Variants in PRKAG2 observed in about 807,000 individuals in gnomAD.
PRKAG2 encodes the protein protein kinase AMP-activated non-catalytic subunit gamma 2, also known as 5'-AMP-activated protein kinase subunit gamma-2.
In PRKAG2, 26 loss-of-function variants were observed where a neutral mutation model predicts 69.6. The ratio of observed to expected loss-of-function variants is 0.37; its 90% CI spans 0.27 to 0.52. The LOEUF is 0.52. PRKAG2 is among the 20% of genes least tolerant of loss of function. The pLI is 0.90. For missense variants in PRKAG2, 557 were observed against 740.0 expected (o/e 0.75, Z 2.87); for synonymous variants, 293 against 285.0 (o/e 1.03, Z -0.28).
chr7:151,710,229 G>C (rs931005712), intron 3 of PRKAG2, among the ~76,000 whole-genome samples: 5 of 152,116 alleles, frequency 3.3e-5, no homozygotes, highest in African/African-American at 9.7e-5. Flanking sequence ...CTTCAGGATT[G>C]AAACCAGAAC....
intron 5 of PRKAG2, among the ~76,000 whole-genome samples, chr7:151,611,117 A>G (rs151338554): frequency 7.2e-4 from 109 of 152,262 alleles, no homozygotes; most frequent in African/African-American, 2.4e-3. Flanking sequence ...CATTTTTTAT[A>G]TTCTCTGCTT....
At chr7:151,668,841 C>G (rs1831409426) in intron 4 of PRKAG2, among the ~76,000 whole-genome samples, 2 of 152,228 alleles carry the variant, frequency 1.3e-5, no homozygotes, top group African/African-American at 2.4e-5. Flanking sequence ...CAAACTTGCT[C>G]CTGAAACCCC....
rs142228688 is a variant in PRKAG2, at chr7:151,579,485, A to G, written c.865-3033T>C. ...AGAAAGTTCTGAGTTTGGCATAATG[A>G]AACAGTTGAAAACAACTATCCAAGT... On this transcript the variant is annotated intron_variant, in intron 6 of 15. Coordinates refer to ENST00000287878, the MANE Select transcript of PRKAG2 (RefSeq NM_016203.4). 2.0e-5 allele frequency among the ~76,000 whole-genome samples: 3 copies of G among 152,332 alleles called. No homozygotes were observed. In the East Asian group the frequency reaches 5.8e-4, roughly 29 times the overall value.
At chr7:151,677,691 C>A (rs74710992) in intron 3 of PRKAG2, among the ~76,000 whole-genome samples, 3 of 152,214 alleles carry the variant, frequency 2.0e-5, no homozygotes, top group Non-Finnish European at 4.4e-5. Context: ...TACATTCGTG[C>A]CAGCCAGAGT....
At chr7:151,691,288 T>A (rs1404979853) in intron 3 of PRKAG2, among the ~76,000 whole-genome samples, 2 of 152,182 alleles carry the variant, frequency 1.3e-5, no homozygotes, top group African/African-American at 4.8e-5. Context: ...TCATCTGTAT[T>A]TTTATTGTTG....
intron 1 of PRKAG2, among the ~76,000 whole-genome samples, chr7:151,798,353 C>T (rs146088920): frequency 4.6e-5 from 7 of 152,104 alleles, no homozygotes; most frequent in South Asian, 2.1e-4. Flanking sequence ...CTCACTCTGT[C>T]GCCCAGGCTG....
chr7:151,797,127 C>T (rs893768086), intron 1 of PRKAG2, among the ~76,000 whole-genome samples: 2 of 152,074 alleles, frequency 1.3e-5, no homozygotes, highest in African/African-American at 4.8e-5. Flanking sequence ...AAAAAACCAG[C>T]CACGAGGTGA....
In PRKAG2 at chr7:151,781,385, G is replaced by A; in HGVS notation, c.233C>T (p.Ser78Phe). ...GPGSPSKGFFSRGPQPRPSSP... is the reference protein window; with the variant it reads ...GPGSPSKGFFFRGPQPRPSSP... ...GGAGGGCCGGGGCTGGGGGCCTCTG[G>A]AGAAGAACCCTTTGGAGGGGCTGCC... Residue 78 changes from serine (S) to phenylalanine (F), a missense_variant, in exon 3 of 16, where the codon TCC becomes TTC. Physicochemically the swap from Ser to Phe is radical, Grantham distance 155. Coordinates refer to ENST00000287878, the MANE Select transcript of PRKAG2 (RefSeq NM_016203.4). This position sits in a 1 kb window ranked among gnomAD's most constrained non-coding sequence, Gnocchi z 6.1. 1 of 1,612,476 alleles carries A rather than the reference G, an allele frequency of 6.2e-7. No individual in the cohort carries two copies. The highest frequency in any genetic ancestry group is 1.1e-5 in the South Asian group (1 of 90,986).
At chr7:151,816,647 C>T (rs1455465277) in intron 1 of PRKAG2, among the ~76,000 whole-genome samples, 2 of 152,182 alleles carry the variant, frequency 1.3e-5, no homozygotes, top group African/African-American at 4.8e-5. Flanking sequence ...AGAAAGCTGG[C>T]GCCATTTGGC....
intron 5 of PRKAG2, among the ~76,000 whole-genome samples, chr7:151,619,886 T>TG (rs1444073094): frequency 6.6e-6 from 1 of 152,124 alleles, no homozygotes; most frequent in Non-Finnish European, 1.5e-5. Context: ...CTGGGCATGG[T>TG]GGCGCATGCC....
In PRKAG2 at chr7:151,814,680, A is replaced by T. The variant is rs932470427; in HGVS notation, c.115-28139T>A. 8.1e-7 allele frequency: 1 copy of T among 1,231,682 alleles called. No individual in the cohort carries two copies. Among genetic ancestry groups the T allele is most frequent in the African/African-American group, 1.6e-5 (1 of 64,424 alleles). 76.3% of individuals were successfully genotyped at this position (1,231,682 alleles called of 1,614,324 possible). ...GGGGACCGGGGCTGGGTGTGTTCCCAGTCCCCAAGGCAGCGCAACAAGCGG... is the reference window on the plus strand; with the variant it reads ...GGGGACCGGGGCTGGGTGTGTTCCCTGTCCCCAAGGCAGCGCAACAAGCGG... On this transcript the variant is annotated intron_variant, in intron 1 of 15. Coordinates refer to ENST00000287878, the MANE Select transcript of PRKAG2 (RefSeq NM_016203.4). The surrounding 1 kb of genome is among the most constrained non-coding windows in gnomAD (Gnocchi z 4.8).
At chr7:151,658,985 G>T (rs528289843) in intron 4 of PRKAG2, among the ~76,000 whole-genome samples, 2 of 152,204 alleles carry the variant, frequency 1.3e-5, no homozygotes, top group Admixed American at 1.3e-4. Context: ...AGTATTGCTG[G>T]TACTGTGTTG....
chr7:151,779,506 C>G (rs2076565737), intron 3 of PRKAG2, among the ~76,000 whole-genome samples: 1 of 152,226 alleles, frequency 6.6e-6, no homozygotes, highest in Non-Finnish European at 1.5e-5. Context: ...TCAAGACCTT[C>G]CCATGGGAGC....
rs79908002 is a variant in PRKAG2 at position 151,800,676 on chromosome 7, G to C, written c.115-14135C>G. Among the ~76,000 whole-genome samples the C allele has an allele frequency of 2.1e-4, 32 of 152,330 alleles. 1 individual carries two copies. The East Asian group carries it at 6.2e-3, about 29-fold the overall frequency. On this transcript the variant is annotated intron_variant, in intron 1 of 15. Coordinates refer to ENST00000287878, the MANE Select transcript of PRKAG2 (RefSeq NM_016203.4). ...GCAGCCAGGGCTTGGGTGAGGGAGG[G>C]AGGGAAGGGCAGGTGGTGCACAGGG...
chr7:151,743,698 C>T lies in PRKAG2; in HGVS notation c.466+37454G>A, dbSNP rs2074058344. 2.0e-5 allele frequency among the ~76,000 whole-genome samples: 3 copies of T among 152,234 alleles called. No individual in the cohort carries two copies. In the South Asian group the frequency reaches 6.2e-4, roughly 32 times the overall value. ...GATTACTGAGTTCCTCCACGAGACT[C>T]AGGAGCAGCATGATGGGTCAGGGAA... On this transcript the variant is annotated intron_variant, in intron 3 of 15. Coordinates refer to ENST00000287878, the MANE Select transcript of PRKAG2 (RefSeq NM_016203.4).
At chr7:151,701,969 G>T (rs1426619666) in intron 3 of PRKAG2, among the ~76,000 whole-genome samples, 1 of 152,208 alleles carries the variant, frequency 6.6e-6, no homozygotes, top group Non-Finnish European at 1.5e-5. Flanking sequence ...TCAGCCTTCT[G>T]GCCGGCAGAA....
intron 3 of PRKAG2, among the ~76,000 whole-genome samples, chr7:151,715,106 C>G (rs1306426562): frequency 6.7e-6 from 1 of 148,250 alleles, no homozygotes; most frequent in African/African-American, 2.5e-5. Context: ...ACCTCCGCCT[C>G]CTAGGTTCAA....
intron 1 of PRKAG2, among the ~76,000 whole-genome samples, chr7:151,868,066 C>G (rs2080123097): frequency 6.6e-6 from 1 of 152,204 alleles, no homozygotes; most frequent in Admixed American, 6.5e-5. Flanking sequence ...TCATCAGCAG[C>G]TTCACTGCCA....
At position 151,620,050 on chromosome 7, in the gene PRKAG2, A is replaced by G. The variant is rs576353200; in HGVS notation, c.754+12019T>C. ...ATAAAAAATAAAAATAAAAATAAAA[A>G]TAAATAAATAAATCAGAAAACCTAA... On this transcript the variant is annotated intron_variant, in intron 5 of 15. Coordinates refer to ENST00000287878, the MANE Select transcript of PRKAG2 (RefSeq NM_016203.4). Among the ~76,000 whole-genome samples the G allele has an allele frequency of 5.3e-5, 8 of 151,900 alleles. 1 individual carries two copies. The highest frequency in any genetic ancestry group is 1.2e-4 in the Non-Finnish European group (8 of 67,988).
Sources: gnomAD v4.1 joint callset for allele counts (sites outside exome capture counted in the v4.1 genomes callset) on GRCh38, gnomAD v4.1.1 for gene constraint, Gnocchi (gnomAD v3.1) non-coding constraint, MANE v1.5 for transcripts, NCBI Gene and HGNC (gene_info 2026-07-23, HGNC 2026-07-21) for gene names.